The following TTC7B variants were observed in gnomAD, a reference collection of about 807,000 sequenced individuals.
TTC7B encodes the protein tetratricopeptide repeat domain 7B.
Under a neutral mutation model 106.8 loss-of-function variants are expected in TTC7B, and 28 were observed. That is an observed-to-expected ratio of 0.26 (90% CI 0.19 to 0.36). The LOEUF is 0.36. Ranked by LOEUF, TTC7B falls within the 10% of genes least tolerant of loss-of-function variation. The pLI, the probability that TTC7B is intolerant of heterozygous loss-of-function variation, is 1.00. For missense variants in TTC7B, 862 were observed against 1,076.4 expected, an observed-to-expected ratio of 0.80 and a Z score of 2.79; for synonymous variants, 405 against 430.6, an observed-to-expected ratio of 0.94 and a Z score of 0.74.
chr14:90,560,696 T>C (rs1890536677), intron 19 of TTC7B, among the ~76,000 whole-genome samples: 1 of 152,140 alleles, frequency 6.6e-6, no homozygotes, highest in South Asian at 2.1e-4. Flanking sequence ...AACACAGCCT[T>C]CTGAGCTTGA....
intron 18 of TTC7B, among the ~76,000 whole-genome samples, chr14:90,586,415 T>C (rs1312556178): frequency 6.6e-6 from 1 of 152,046 alleles, no homozygotes; most frequent in Non-Finnish European, 1.5e-5. Context: ...GGATTACAGG[T>C]GCCTGCCACC....
intron 5 of TTC7B, among the ~76,000 whole-genome samples, chr14:90,706,291 T>C (rs1275651848): frequency 6.6e-6 from 1 of 151,708 alleles, no homozygotes; most frequent in East Asian, 1.9e-4. Context: ...GCCTCCTGAG[T>C]AGCTGGGACT....
chr14:90,690,307 G>A (rs1887420963), intron 6 of TTC7B, among the ~76,000 whole-genome samples: 2 of 152,334 alleles, frequency 1.3e-5, no homozygotes, highest in South Asian at 4.1e-4. Context: ...GTGCAATAGG[G>A]AAGGCAAAGT....
chr14:90,646,873 C>T lies in TTC7B; in HGVS notation c.1590+78G>A, dbSNP rs1045212295. 9 of 1,284,222 alleles carry T rather than the reference C, an allele frequency of 7.0e-6. No individual in the cohort carries two copies. In the African/African-American group the frequency reaches 1.3e-4, roughly 19 times the overall value. 79.6% of individuals were successfully genotyped at this position (1,284,222 alleles called of 1,614,324 possible). ...AATGGAATAAAGGAAGATCACCTAC[C>T]ACTTCAAACTGAAGAGCTGAAGGAG... On this transcript the variant is annotated intron_variant, in intron 14 of 19. Coordinates refer to ENST00000328459, the MANE Select transcript of TTC7B (RefSeq NM_001010854.2).
At chr14:90,541,641 C>T in intron 19 of TTC7B, 52 bp from the exon 20 acceptor site, 1 of 1,405,364 alleles carries the variant, frequency 7.1e-7, no homozygotes, top group Non-Finnish European at 9.6e-7. Context: ...GCTTCAGGAG[C>T]TCTGCATCCT....
At chr14:90,602,663 T>C (rs1045375362) in intron 17 of TTC7B, among the ~76,000 whole-genome samples, 15 of 151,486 alleles carry the variant, frequency 9.9e-5, no homozygotes, top group African/African-American at 3.6e-4. Context: ...ATCGTGTCAT[T>C]GCACTCCAGC....
chr14:90,720,751 G>A (rs2139978439), intron 5 of TTC7B, among the ~76,000 whole-genome samples: 1 of 152,304 alleles, frequency 6.6e-6, no homozygotes, highest in African/African-American at 2.4e-5. Flanking sequence ...AAGAAAAGCT[G>A]CAGGTGAAAA....
intron 19 of TTC7B, among the ~76,000 whole-genome samples, chr14:90,550,998 G>A (rs1890053694): frequency 6.6e-6 from 1 of 152,208 alleles, no homozygotes. Flanking sequence ...CACCCCCTGG[G>A]AGAAGATGCC....
intron 6 of TTC7B, among the ~76,000 whole-genome samples, chr14:90,693,668 C>T (rs925789329): frequency 9.9e-5 from 15 of 152,194 alleles, no homozygotes; most frequent in African/African-American, 3.6e-4. Flanking sequence ...TGGAATATCA[C>T]CACACTCCCA....
intron 11 of TTC7B, among the ~76,000 whole-genome samples, chr14:90,656,481 A>G (rs143177892): frequency 1.3e-4 from 20 of 152,358 alleles, no homozygotes; most frequent in African/African-American, 4.8e-4. Flanking sequence ...AAATCTGAAC[A>G]AGAATATTTG....
At chr14:90,641,547 A>G (rs111370412) in intron 15 of TTC7B, among the ~76,000 whole-genome samples, 5,722 of 152,344 alleles carry the variant, frequency 0.038, 160 homozygotes, top group Middle Eastern at 0.078. Context: ...TCCACTGATT[A>G]CATCTGGCCC....
At chr14:90,582,675 A>G (rs1350117208) in intron 18 of TTC7B, among the ~76,000 whole-genome samples, 1 of 152,202 alleles carries the variant, frequency 6.6e-6, no homozygotes, top group Admixed American at 6.5e-5. Flanking sequence ...CAAAGAGACA[A>G]CTGGACTCAT....
chr14:90,706,945 A>G (rs1888236195), intron 5 of TTC7B, among the ~76,000 whole-genome samples: 1 of 152,274 alleles, frequency 6.6e-6, no homozygotes, highest in Non-Finnish European at 1.5e-5. Flanking sequence ...ACACATACAT[A>G]GACACAAATA....
chr14:90,603,455 C>T lies in TTC7B; in HGVS notation c.1966+7287G>A, dbSNP rs148941145. Among the ~76,000 whole-genome samples the T allele has an allele frequency of 3.2e-3, 487 of 152,278 alleles. 2 individuals carry two copies. The highest frequency in any genetic ancestry group is 0.011 in the African/African-American group (453 of 41,548). ...CATATTTCCATTCAAGAGTGGCACA[C>T]ATTTTTCCACTAACATTTTTTTTTT... On this transcript the variant is annotated intron_variant, in intron 17 of 19. Transcript: ENST00000328459.
rs960982023 is a variant in TTC7B, at chr14:90,579,226, C to A, written c.2108-918G>T. The stretch of plus-strand genomic sequence containing the variant: ...CTTCAGGGACATCTGAATCACCCCC[C>A]ACCCCTCTCCAGGGCCAGCAGGGCC... On this transcript the variant is annotated intron_variant, in intron 18 of 19. Transcript: ENST00000328459. 2.0e-5 allele frequency among the ~76,000 whole-genome samples: 3 copies of A among 152,194 alleles called. No individual in the cohort carries two copies. The South Asian group carries it at 6.2e-4, about 31-fold the overall frequency.
At position 90,541,514 on chromosome 14, in the gene TTC7B, T is replaced by A; in HGVS notation, c.2386A>T (p.Thr796Ser). 1 of 1,613,964 alleles carries A rather than the reference T, an allele frequency of 6.2e-7. No individual in the cohort carries two copies. The highest frequency in any genetic ancestry group is 8.5e-7 in the Non-Finnish European group (1 of 1,179,924). The change falls in exon 20 of 20, where the codon ACA (threonine) becomes TCA (serine). Residue 796 changes from threonine to serine, a missense_variant. Physicochemically the swap from Thr to Ser is moderately conservative, Grantham distance 58. Transcript: ENST00000328459. ...AGCCCGTTCCAGACCTCGTGGGCTG[T>A]CGAGTTCACCTGCACCGCGTCCCGG... ...ILRDAVQVNS[T>S]AHEVWNGLGE...
intron 13 of TTC7B, among the ~76,000 whole-genome samples, chr14:90,650,397 G>T (rs1198682802): frequency 6.6e-6 from 1 of 152,158 alleles, no homozygotes; most frequent in East Asian, 1.9e-4. Context: ...CTCACACAGG[G>T]TGACCAACTT....
chr14:90,709,971 T>C (rs947663634), intron 5 of TTC7B, among the ~76,000 whole-genome samples: 7 of 126,758 alleles, frequency 5.5e-5, no homozygotes, highest in African/African-American at 2.1e-4. Context: ...AAAAAAAACC[T>C]TATGTGCCAG....
intron 3 of TTC7B, among the ~76,000 whole-genome samples, chr14:90,755,476 C>A (rs150833867): frequency 2.6e-5 from 4 of 152,120 alleles, no homozygotes; most frequent in African/African-American, 9.6e-5. Context: ...AGTGAGACCT[C>A]ATCTTTAAAA....
Sources: gnomAD v4.1 joint callset for allele counts (sites outside exome capture counted in the v4.1 genomes callset) on GRCh38, gnomAD v4.1.1 for gene constraint, MANE v1.5 for transcripts, NCBI Gene and HGNC (gene_info 2026-07-23, HGNC 2026-07-21) for gene names.